Variants in MBP observed in about 807,000 individuals in gnomAD.
The protein encoded by MBP is myelin basic protein.
A neutral mutation model predicts 35.8 loss-of-function variants in MBP; 16 were observed. The ratio of observed to expected loss-of-function variants is 0.45; its 90% CI spans 0.30 to 0.68. MBP has a LOEUF of 0.68. MBP is among the 30% of genes least tolerant of loss of function. The pLI is 0.08. For synonymous variants in MBP, 143 were observed against 159.6 expected (o/e 0.90, Z 0.78); for missense variants, 380 against 404.7 (o/e 0.94, Z 0.52).
chr18:77,059,458 AT>A (rs1427403039), intron 3 of MBP, among the ~76,000 whole-genome samples: 49 of 138,144 alleles, frequency 3.5e-4, no homozygotes, highest in African/African-American at 1.3e-3. Context: ...TAATAATTTA[AT>A]TTTATAAAGT....
In MBP at chr18:76,979,313, C is replaced by T. The variant is rs1374784939; in HGVS notation, c.*1114G>A. On this transcript the variant is annotated 3_prime_UTR_variant, in exon 9 of 9. Coordinates refer to ENST00000355994, the MANE Select transcript of MBP (RefSeq NM_001025101.2). ...AGCTCTTTGTCTCCATCCACGGGGCCGTCTGCTCAGCCCGTGTGTCTCGGT... is the reference window on the plus strand; with the variant it reads ...AGCTCTTTGTCTCCATCCACGGGGCTGTCTGCTCAGCCCGTGTGTCTCGGT... 4 of 151,986 alleles carry T rather than the reference C, an allele frequency of 2.6e-5. No homozygotes were observed. The highest frequency in any genetic ancestry group is 2.0e-4 in the Admixed American group (3 of 15,246). The allele number at this position is 151,986 out of a possible 1,614,324, so 9.4% of individuals were successfully genotyped here. A position where few individuals can be genotyped will look rare whatever the true frequency, so the allele number is the denominator to read the frequency against.
chr18:77,100,113 G>A (rs1304604435), intron 2 of MBP, among the ~76,000 whole-genome samples: 1 of 152,212 alleles, frequency 6.6e-6, no homozygotes, highest in African/African-American at 2.4e-5. Context: ...CAACGTGACT[G>A]CATTTGGAAA....
intron 3 of MBP, among the ~76,000 whole-genome samples, chr18:77,057,065 T>C (rs936263167): frequency 2.0e-5 from 3 of 152,170 alleles, no homozygotes; most frequent in Non-Finnish European, 4.4e-5. Flanking sequence ...ACTGCCTGGG[T>C]ACTACAATGA....
At chr18:77,023,812 A>G (rs1194863381) in intron 3 of MBP, among the ~76,000 whole-genome samples, 2 of 152,178 alleles carry the variant, frequency 1.3e-5, no homozygotes, top group African/African-American at 4.8e-5. Context: ...CTTACCCTCC[A>G]GTACCACAGA....
chr18:77,062,509 T>G, intron 3 of MBP, among the ~76,000 whole-genome samples: 1 of 15,452 alleles, frequency 6.5e-5, no homozygotes. Context: ...CAGAAAGCTG[T>G]CGAAAAAAAA....
chr18:77,117,385 A>G (rs1443234571), intron 1 of MBP, among the ~76,000 whole-genome samples: 6 of 152,294 alleles, frequency 3.9e-5, no homozygotes, highest in East Asian at 1.9e-4. Context: ...TTTCTACATG[A>G]TATTTTTGGG....
intron 3 of MBP, among the ~76,000 whole-genome samples, chr18:77,055,173 T>TA (rs1973672638): frequency 6.6e-6 from 1 of 152,176 alleles, no homozygotes; most frequent in Admixed American, 6.5e-5. Context: ...CCTTCTGTGG[T>TA]AGAGAAAACA....
intron 3 of MBP, among the ~76,000 whole-genome samples, chr18:77,021,681 C>T (rs1023956937): frequency 2.2e-4 from 33 of 152,222 alleles, no homozygotes; most frequent in African/African-American, 7.7e-4. Flanking sequence ...GACTGGGTTT[C>T]ACTATGTTGG....
rs769268574 is a variant in MBP, at chr18:76,979,950, GAGA to G, written c.*474_*476del. The G allele has an allele frequency of 2.3e-5, 16 of 702,512 alleles. No homozygotes were observed. Among genetic ancestry groups the G allele is most frequent in the South Asian group, 3.0e-5 (2 of 67,602 alleles). 43.5% of individuals were successfully genotyped at this position (702,512 alleles called of 1,614,324 possible). ...AAATGAAGTCTACTTTAGGAGGTGA[GAGA>G]AGGACAGGAAAAAAAAACAAAGGAA... is the stretch of plus-strand genomic sequence containing the variant. On this transcript the variant is annotated 3_prime_UTR_variant, in exon 9 of 9. Transcript: ENST00000355994.
intron 7 of MBP, chr18:76,987,462 T>G: frequency 1.0e-6 from 1 of 985,526 alleles, no homozygotes; most frequent in Non-Finnish European, 1.2e-6. Context: ...GGGACTGATC[T>G]GGGATCCTCA....
intron 3 of MBP, among the ~76,000 whole-genome samples, chr18:77,064,737 T>C (rs972294425): frequency 1.3e-5 from 2 of 152,234 alleles, no homozygotes; most frequent in African/African-American, 4.8e-5. Context: ...TAAGCAAAGA[T>C]CATGCTAGGG....
intron 3 of MBP, among the ~76,000 whole-genome samples, chr18:77,063,333 G>A (rs1008912013): frequency 6.6e-5 from 10 of 152,216 alleles, no homozygotes; most frequent in South Asian, 4.1e-4. Context: ...CTTCCAGGTC[G>A]GCATCACTTG....
chr18:77,091,960 A>G (rs1175298556), intron 2 of MBP, among the ~76,000 whole-genome samples: 1 of 152,224 alleles, frequency 6.6e-6, no homozygotes, highest in East Asian at 1.9e-4. Flanking sequence ...CCAAATTTAA[A>G]CTTTTAAAAC....
At position 76,984,998 on chromosome 18, in the gene MBP, C is replaced by G; in HGVS notation, c.751-104G>C. The G allele has an allele frequency of 2.6e-6, 4 of 1,552,176 alleles. No individual in the cohort carries two copies. In the Admixed American group the frequency reaches 5.3e-5, roughly 21 times the overall value. The stretch of plus-strand genomic sequence containing the variant: ...GGGCCCCGGGGAAGGGCCCAGGCCC[C>G]GGACTGGACTGGTGAGTGGTTCAGG... On this transcript the variant is annotated intron_variant, in intron 7 of 8. Transcript: ENST00000355994.
intron 3 of MBP, among the ~76,000 whole-genome samples, chr18:77,052,380 C>T (rs1204843365): frequency 6.6e-6 from 1 of 152,140 alleles, no homozygotes; most frequent in Admixed American, 6.5e-5. Context: ...GAGCAGGGAC[C>T]CCTTTGTCTG....
At chr18:77,074,990 T>TA (rs1306344568) in intron 2 of MBP, among the ~76,000 whole-genome samples, 4 of 152,220 alleles carry the variant, frequency 2.6e-5, no homozygotes, top group East Asian at 1.9e-4. Flanking sequence ...ATCTTGGATT[T>TA]AAAAAAACTG....
At chr18:77,029,175 G>A (rs1419958357) in intron 3 of MBP, among the ~76,000 whole-genome samples, 4 of 124,702 alleles carry the variant, frequency 3.2e-5, no homozygotes, top group Non-Finnish European at 5.7e-5. Flanking sequence ...TCGGGAGGCC[G>A]AGGCTGGCGG....
intron 3 of MBP, among the ~76,000 whole-genome samples, chr18:77,036,071 A>G (rs1972752505): frequency 6.6e-6 from 1 of 152,104 alleles, no homozygotes; most frequent in Admixed American, 6.6e-5. Flanking sequence ...GACAGAGCTG[A>G]GCAAGTGCTG....
At chr18:77,031,690 C>A (rs1472604226) in intron 3 of MBP, among the ~76,000 whole-genome samples, 1 of 152,222 alleles carries the variant, frequency 6.6e-6, no homozygotes, top group Non-Finnish European at 1.5e-5. Flanking sequence ...AACAATGCAC[C>A]AGGGCCTATT....
Sources: gnomAD v4.1 joint callset for allele counts (sites outside exome capture counted in the v4.1 genomes callset) on GRCh38, gnomAD v4.1.1 for gene constraint, MANE v1.5 for transcripts, NCBI Gene and HGNC (gene_info 2026-07-23, HGNC 2026-07-21) for gene names.